TMIGD2: variants seen among roughly 807,000 people sequenced by gnomAD.
TMIGD2 encodes the protein transmembrane and immunoglobulin domain-containing protein 2.
A neutral mutation model predicts 22.6 loss-of-function variants in TMIGD2; 18 were observed. The observed-to-expected ratio is 0.80, with a 90% CI of 0.55 to 1.18. The LOEUF (loss-of-function observed/expected upper bound fraction) is 1.18. Ranked by LOEUF, TMIGD2 falls within the 50% of genes most tolerant of loss-of-function variation. TMIGD2 has a pLI of 0.00. For missense variants in TMIGD2, 361 were observed against 378.2 expected (o/e 0.95, Z 0.38); for synonymous variants, 184 against 154.1 (o/e 1.19, Z -1.44).
intron 2 of TMIGD2, among the ~76,000 whole-genome samples, chr19:4,295,980 G>A (rs1203735412): frequency 6.6e-6 from 1 of 152,088 alleles, no homozygotes; most frequent in East Asian, 1.9e-4. Flanking sequence ...GTGCAGTGGC[G>A]TGATCGTAGC....
chr19:4,298,840 T>A (rs974298263), intron 1 of TMIGD2, among the ~76,000 whole-genome samples: 1 of 152,120 alleles, frequency 6.6e-6, no homozygotes, highest in Non-Finnish European at 1.5e-5. Context: ...AAGATGGGTA[T>A]AAGTCGCTCA....
At position 4,298,040 on chromosome 19, in the gene TMIGD2, T is replaced by C; in HGVS notation, c.352A>G (p.Ile118Val). The stretch of plus-strand genomic sequence containing the variant: ...CCCTCAGCCTCCTCCAACTCAGGAA[T>C]CTCTACGGCCGCCCAGCACACGTAC... Residue 118 changes from isoleucine to valine, a missense_variant, in exon 2 of 5, where the codon ATT becomes GTT. Transcript: ENST00000301272. The C allele has an allele frequency of 1.9e-6, 3 of 1,612,534 alleles. No individual in the cohort carries two copies. The South Asian group carries it at 3.3e-5, about 18-fold the overall frequency.
At chr19:4,292,727 A>G (rs554333681) in exon 5 of TMIGD2, 4 of 1,608,850 alleles carry the variant, frequency 2.5e-6, no homozygotes, top group African/African-American at 2.7e-5. Context: ...GGGCTGGGGC[A>G]GGGTCTTGAC....
chr19:4,299,640 A>T (rs1276331409), intron 1 of TMIGD2, among the ~76,000 whole-genome samples: 2 of 151,738 alleles, frequency 1.3e-5, no homozygotes, highest in Non-Finnish European at 2.9e-5. Context: ...TAATCCCTGT[A>T]CTTTGGGAAG....
chr19:4,298,363 T>C lies in TMIGD2; in HGVS notation c.47-18A>G. On this transcript the variant is annotated intron_variant, in intron 1 of 4. Transcript: ENST00000301272. ...TTGCAGGGCTGGAGGACAGAAGAGG[T>C]AGAGGCGACCTTTCTGACTGTGCGC... The C allele has an allele frequency of 1.3e-6, 2 of 1,541,010 alleles. No individual in the cohort carries two copies. Among genetic ancestry groups the C allele is most frequent in the Non-Finnish European group, 1.7e-6 (2 of 1,149,182 alleles).
intron 4 of TMIGD2, 28 bp downstream of exon 4, chr19:4,294,551 C>T (rs762804804): frequency 1.9e-6 from 3 of 1,609,078 alleles, no homozygotes; most frequent in African/African-American, 2.7e-5. Flanking sequence ...ACCTCCTCCG[C>T]CCTACCCTCC....
chr19:4,301,797 C>T (rs1490383485), intron 1 of TMIGD2, among the ~76,000 whole-genome samples: 1 of 152,070 alleles, frequency 6.6e-6, no homozygotes, highest in African/African-American at 2.4e-5. Context: ...AGGGCAGCAG[C>T]CTTTGTCCTT....
chr19:4,292,962 CTCTT>C (rs1971402942), intron 4 of TMIGD2, 77 bp from the exon 5 acceptor site: 14 of 1,530,978 alleles, frequency 9.1e-6, no homozygotes, highest in Non-Finnish European at 1.2e-5. Context: ...GGGGATCTGT[CTCTT>C]TTTTTTTTTT....
intron 1 of TMIGD2, 83 bp from the exon 2 acceptor site, chr19:4,298,428 G>A: frequency 2.7e-6 from 4 of 1,467,266 alleles, no homozygotes; most frequent in Non-Finnish European, 3.6e-6. Context: ...TGAGCCCGCA[G>A]TCTGGGTTTG....
chr19:4,292,747 G>C lies in TMIGD2; in HGVS notation c.701C>G (p.Pro234Arg), dbSNP rs375257491. The stretch of plus-strand genomic sequence containing the variant: ...GGGGCAGGGTCTTGACGCCAGGTGC[G>C]GCTGGCGGGGGGCCGGTTGCGGGAA... The change falls in exon 5 of 5, where the codon CCG (proline) becomes CGG (arginine). Residue 234 changes from proline (P) to arginine (R), a missense_variant. Physicochemically the swap from Pro to Arg is moderately radical, Grantham distance 103. Transcript: ENST00000301272. 5.6e-6 allele frequency: 9 copies of C among 1,610,184 alleles called. No homozygotes were observed. In the South Asian group the frequency reaches 8.8e-5, roughly 16 times the overall value.
intron 2 of TMIGD2, among the ~76,000 whole-genome samples, chr19:4,295,775 C>G (rs1472221721): frequency 1.3e-5 from 2 of 152,108 alleles, no homozygotes; most frequent in Admixed American, 1.3e-4. Flanking sequence ...GAGCCTAAGT[C>G]ACTTGCCTAG....
At chr19:4,293,901 A>T (rs541481507) in intron 4 of TMIGD2, among the ~76,000 whole-genome samples, 1 of 151,826 alleles carries the variant, frequency 6.6e-6, no homozygotes, top group African/African-American at 2.4e-5. Flanking sequence ...AGCTGGGACT[A>T]CAGGCACAGG....
chr19:4,294,229 A>G lies in TMIGD2; in HGVS notation c.562+338T>C, dbSNP rs185057664. 4.3e-3 allele frequency among the ~76,000 whole-genome samples: 651 copies of G among 151,508 alleles called. 5 individuals carry two copies. Among genetic ancestry groups the G allele is most frequent in the African/African-American group, 0.015 (611 of 41,054 alleles). ...ATTACAGGCGTCTGCCACCACACCT[A>G]GCTAATTTTTTGTATTTTTAGTAGA... On this transcript the variant is annotated intron_variant, in intron 4 of 4. Coordinates refer to ENST00000301272, the Ensembl canonical transcript of TMIGD2.
intron 4 of TMIGD2, among the ~76,000 whole-genome samples, 193 bp from the exon 5 acceptor site, chr19:4,293,078 C>G (rs1391782301): frequency 3.3e-5 from 5 of 151,950 alleles, no homozygotes; most frequent in African/African-American, 7.2e-5. Flanking sequence ...ATTCTCCTGC[C>G]TCAGCCTCCC....
chr19:4,294,910 G>T, intron 2 of TMIGD2, 94 bp from the exon 3 acceptor site: 1 of 1,282,462 alleles, frequency 7.8e-7, no homozygotes, highest in Non-Finnish European at 1.0e-6. Flanking sequence ...TCCTCCTCCT[G>T]CCAGGCTTTG....
chr19:4,300,636 A>G (rs1971524605), intron 1 of TMIGD2, among the ~76,000 whole-genome samples: 1 of 152,222 alleles, frequency 6.6e-6, no homozygotes, highest in African/African-American at 2.4e-5. Flanking sequence ...TGTTACAAGT[A>G]CATGCCACTG....
At chr19:4,293,771 GT>G (rs1482692267) in intron 4 of TMIGD2, among the ~76,000 whole-genome samples, 1 of 149,152 alleles carries the variant, frequency 6.7e-6, no homozygotes, top group Non-Finnish European at 1.5e-5. Context: ...TAATTTTTTT[GT>G]TGTTGTTGAG....
chr19:4,295,189 A>AG (rs1898331397), intron 2 of TMIGD2, among the ~76,000 whole-genome samples: 1 of 140,256 alleles, frequency 7.1e-6, no homozygotes, highest in African/African-American at 2.7e-5. Flanking sequence ...TGAATCCAGG[A>AG]GGGGGAGGTT....
chr19:4,299,697 G>A (rs1159624895), intron 1 of TMIGD2, among the ~76,000 whole-genome samples: 4 of 151,852 alleles, frequency 2.6e-5, no homozygotes, highest in African/African-American at 7.3e-5. Flanking sequence ...GACCCGTCTG[G>A]CCAACGTGGT....
Sources: gnomAD v4.1 joint callset for allele counts (sites outside exome capture counted in the v4.1 genomes callset) on GRCh38, gnomAD v4.1.1 for gene constraint, MANE v1.5 for transcripts, NCBI Gene and HGNC (gene_info 2026-07-23, HGNC 2026-07-21) for gene names.